The following TERT variants were observed in gnomAD, a reference collection of about 807,000 sequenced individuals.
The protein encoded by TERT is telomerase reverse transcriptase, also known as telomerase catalytic subunit.
A neutral mutation model predicts 104.0 loss-of-function variants in TERT; 42 were observed. The ratio of observed to expected loss-of-function variants is 0.40; its 90% CI spans 0.32 to 0.52. The LOEUF is 0.52. Among genes scored for constraint, TERT ranks in the 20% least tolerant of loss-of-function variants. The probability of loss-of-function intolerance (pLI) is 0.43; values close to 1 mark genes in which losing one functional copy is unlikely to be tolerated. For missense variants in TERT, 1,101 were observed against 1,610.3 expected (o/e 0.68, Z 5.41); for synonymous variants, 781 against 725.6 (o/e 1.08, Z -1.23).
In TERT at chr5:1,257,547, C is replaced by T. The variant is rs556203500; in HGVS notation, c.3032+1051G>A. 6.6e-5 allele frequency among the ~76,000 whole-genome samples: 10 copies of T among 152,274 alleles called. No individual in the cohort carries two copies. The South Asian group carries it at 2.1e-3, about 32-fold the overall frequency. On this transcript the variant is annotated intron_variant, in intron 13 of 15. Transcript: ENST00000310581. This position sits in a 1 kb window ranked among gnomAD's most constrained non-coding sequence, Gnocchi z 5.6. ...CAGAGAGAGAAGGCAGAGAGGAGGG[C>T]GGTCTGAGCCGGACGCACCCTGGAA...
chr5:1,261,965 A>G lies in TERT; in HGVS notation c.2844-1365T>C, dbSNP rs1355911713. Among the ~76,000 whole-genome samples, 3 of 152,336 alleles carry G rather than the reference A, an allele frequency of 2.0e-5. No individual in the cohort carries two copies. The East Asian group carries it at 5.8e-4, about 29-fold the overall frequency. On this transcript the variant is annotated intron_variant, in intron 11 of 15. Transcript: ENST00000310581. The surrounding 1 kb of genome is among the most constrained non-coding windows in gnomAD (Gnocchi z 7.4). ...TGCAGGACCTCACAGGGCGCCTTAAATAAATCACGTGCACAAACGCTCCAG... is the reference window on the plus strand; with the variant it reads ...TGCAGGACCTCACAGGGCGCCTTAAGTAAATCACGTGCACAAACGCTCCAG...
chr5:1,282,097 A>T (rs1366559321), intron 3 of TERT, among the ~76,000 whole-genome samples: 1 of 152,116 alleles, frequency 6.6e-6, no homozygotes, highest in Non-Finnish European at 1.5e-5. Context: ...CAAAAAAGAA[A>T]AAAAAAAGAG....
Position 1,292,286 on chromosome 5 carries a change from G to A in TERT, c.1573+1027C>T, listed in dbSNP as rs1476950363. ...CACTGGGAGCCAAAAGGGGGCTGGA[G>A]CGGAGGTTCCTCAACATCAAATCCA... On this transcript the variant is annotated intron_variant, in intron 2 of 15. Transcript: ENST00000310581. This position sits in a 1 kb window ranked among gnomAD's most constrained non-coding sequence, Gnocchi z 5.5. Among the ~76,000 whole-genome samples the A allele has an allele frequency of 2.0e-5, 3 of 152,082 alleles. No homozygotes were observed. The highest frequency in any genetic ancestry group is 4.4e-5 in the Non-Finnish European group (3 of 68,026).
chr5:1,253,910 C>A, intron 15 of TERT, 79 bp from the exon 16 acceptor site: 1 of 1,475,872 alleles, frequency 6.8e-7, no homozygotes, highest in Non-Finnish European at 9.3e-7. Flanking sequence ...GTGTGGGTGG[C>A]CGGGCAGGCA....
At position 1,292,480 on chromosome 5, in the gene TERT, C is replaced by G. The variant is rs1751054454; in HGVS notation, c.1573+833G>C. Among the ~76,000 whole-genome samples, 1 of 152,000 alleles carries G rather than the reference C, an allele frequency of 6.6e-6. No homozygotes were observed. Among genetic ancestry groups the G allele is most frequent in the Non-Finnish European group, 1.5e-5 (1 of 68,024 alleles). ...TCTGTGCTGGAGAACAGTCTTATCTCCCTCCCTCTACCCTGTCCTGGCACA... is the reference window on the plus strand; with the variant it reads ...TCTGTGCTGGAGAACAGTCTTATCTGCCTCCCTCTACCCTGTCCTGGCACA... On this transcript the variant is annotated intron_variant, in intron 2 of 15. Coordinates refer to ENST00000310581, the MANE Select transcript of TERT (RefSeq NM_198253.3). This position sits in a 1 kb window ranked among gnomAD's most constrained non-coding sequence, Gnocchi z 5.5.
In TERT at chr5:1,253,459, C is replaced by T. The variant is rs369456871; in HGVS notation, c.*269G>A. 51 of 571,710 alleles carry T rather than the reference C, an allele frequency of 8.9e-5. No homozygotes were observed. The highest frequency in any genetic ancestry group is 6.7e-4 in the East Asian group (23 of 34,330). 35.4% of individuals were successfully genotyped at this position (571,710 alleles called of 1,614,324 possible). Reference sequence around the variant, plus strand: ...CGGGCTCCTGGTGAGGAAAAGCTGGCCCTGGGGTGGAGCCGAGCGCCAGCC... The same window carrying T: ...CGGGCTCCTGGTGAGGAAAAGCTGGTCCTGGGGTGGAGCCGAGCGCCAGCC... On this transcript the variant is annotated 3_prime_UTR_variant, in exon 16 of 16. Coordinates refer to ENST00000310581, the MANE Select transcript of TERT (RefSeq NM_198253.3).
rs1171291378 is a variant in TERT, at chr5:1,282,922, A to G, written c.1574-298T>C. On this transcript the variant is annotated intron_variant, in intron 2 of 15. Coordinates refer to ENST00000310581, the MANE Select transcript of TERT (RefSeq NM_198253.3). ...TCCAGCTCACCGCAGGGCCTGGCGAACTCACCCCGGACCTGCACCATCCAG... is the reference window on the plus strand; with the variant it reads ...TCCAGCTCACCGCAGGGCCTGGCGAGCTCACCCCGGACCTGCACCATCCAG... The G allele has an allele frequency of 2.0e-4, 71 of 352,274 alleles. No homozygotes were observed. The African/African-American group carries it at 2.8e-3, about 14-fold the overall frequency. The allele number at this position is 352,274 out of a possible 1,614,324, so 21.8% of individuals were successfully genotyped here.
chr5:1,292,140 A>G lies in TERT; in HGVS notation c.1573+1173T>C, dbSNP rs1395280439. 6.6e-6 allele frequency among the ~76,000 whole-genome samples: 1 copy of G among 152,142 alleles called. No homozygotes were observed. Among genetic ancestry groups the G allele is most frequent in the African/African-American group, 2.4e-5 (1 of 41,418 alleles). On this transcript the variant is annotated intron_variant, in intron 2 of 15. Coordinates refer to ENST00000310581, the MANE Select transcript of TERT (RefSeq NM_198253.3). The surrounding 1 kb of genome is among the most constrained non-coding windows in gnomAD (Gnocchi z 5.5). ...CACCATAAAAAGAAAAAAAGAAAAA[A>G]AAGAGCCCCAAGAAGGTCACCCTCC...
At chr5:1,280,613 G>A (rs1251429365) in intron 3 of TERT, among the ~76,000 whole-genome samples, 2 of 152,174 alleles carry the variant, frequency 1.3e-5, no homozygotes, top group African/African-American at 4.8e-5. Flanking sequence ...CCCACCATCA[G>A]CACCAGGGAG....
In TERT at chr5:1,294,262, C is replaced by G; in HGVS notation, c.624G>C (p.Arg208Ser). 1.9e-6 allele frequency: 3 copies of G among 1,592,684 alleles called. No individual in the cohort carries two copies. Among genetic ancestry groups the G allele is most frequent in the Non-Finnish European group, 2.6e-6 (3 of 1,175,768 alleles). Reference protein sequence around the residue: ...GCERAWNHSVREAGVPLGLPA... With the variant: ...GCERAWNHSVSEAGVPLGLPA... The stretch of plus-strand genomic sequence containing the variant: ...GCAGGCCCAGGGGGACCCCGGCCTC[C>G]CTGACGCTATGGTTCCAGGCCCGTT... The change falls in exon 2 of 16, where the codon AGG becomes AGC. Residue 208 changes from arginine to serine, a missense_variant. Arg to Ser is a moderately radical substitution (Grantham distance 110). This residue lies in a region of TERT where 504 missense variants were observed against 544.6 expected (regional missense o/e 0.93). Transcript: ENST00000310581.
intron 12 of TERT, among the ~76,000 whole-genome samples, chr5:1,259,649 G>T (rs1442305506): frequency 1.4e-5 from 2 of 144,870 alleles, no homozygotes; most frequent in Non-Finnish European, 3.0e-5. Flanking sequence ...AGGAGAGAGG[G>T]AGTGGACGCA....
At chr5:1,279,641 C>A (rs781464211) in intron 4 of TERT, among the ~76,000 whole-genome samples, 171 bp from the exon 5 acceptor site, 11 of 152,210 alleles carry the variant, frequency 7.2e-5, no homozygotes, top group Non-Finnish European at 1.5e-4. Context: ...GGGTTCCTGG[C>A]CGCATGTGTG....
Position 1,279,109 on chromosome 5 carries a change from T to G in TERT, c.2130+182A>C, listed in dbSNP as rs35241335. 0.044 allele frequency among the ~76,000 whole-genome samples: 6,665 copies of G among 152,256 alleles called. 216 individuals are homozygous for G. The highest frequency in any genetic ancestry group is 0.06 in the Non-Finnish European group (4,090 of 67,978). On this transcript the variant is annotated intron_variant, in intron 5 of 15. Transcript: ENST00000310581. ...CAGTCAGGGTGCACAGTCGGCCCCA[T>G]GTGCTGCAGGAAAGGCTGAAGGCCT...
rs1438162956 is a variant in TERT at position 1,293,921 on chromosome 5, G to A, written c.965C>T (p.Pro322Leu). 7 of 1,542,602 alleles carry A rather than the reference G, an allele frequency of 4.5e-6. No homozygotes were observed. Among genetic ancestry groups the A allele is most frequent in the Middle Eastern group, 1.7e-4 (1 of 5,992 alleles). Residue 322 changes from proline (P) to leucine (L), a missense_variant, in exon 2 of 16, where the codon CCC (proline) becomes CTC (leucine). Physicochemically the swap from Pro to Leu is moderately conservative, Grantham distance 98 (BLOSUM62 -3). Coordinates refer to ENST00000310581, the MANE Select transcript of TERT (RefSeq NM_198253.3). ...GTGCTTGGTCTCGGCGTACACCGGG[G>A]GACAAGGCGTGTCCCAGGGACGTGG... ...RPPRPWDTPC[P>L]PVYAETKHFL... is the part of the protein sequence containing the mutation.
At chr5:1,275,238 G>A (rs1444797159) in intron 6 of TERT, among the ~76,000 whole-genome samples, 2 of 152,092 alleles carry the variant, frequency 1.3e-5, no homozygotes, top group East Asian at 1.9e-4. Context: ...AGTCAGCATG[G>A]TGGTGGGCGC....
chr5:1,285,928 G>A (rs937937453), intron 2 of TERT, among the ~76,000 whole-genome samples: 1 of 151,776 alleles, frequency 6.6e-6, no homozygotes, highest in African/African-American at 2.4e-5. Flanking sequence ...ACAACGGCTC[G>A]GAGCCTCATC....
rs1748230085 is a variant in TERT at position 1,261,581 on chromosome 5, T to A, written c.2844-981A>T. Among the ~76,000 whole-genome samples the A allele has an allele frequency of 6.6e-6, 1 of 152,208 alleles. No homozygotes were observed. The highest frequency in any genetic ancestry group is 1.5e-5 in the Non-Finnish European group (1 of 68,024). The stretch of plus-strand genomic sequence containing the variant: ...GGCAAGCCCAGAAAAGGAGCCAGCA[T>A]GAGGGATGGGGACAGGTCTCGCCAT... On this transcript the variant is annotated intron_variant, in intron 11 of 15. Coordinates refer to ENST00000310581, the MANE Select transcript of TERT (RefSeq NM_198253.3). This position sits in a 1 kb window ranked among gnomAD's most constrained non-coding sequence, Gnocchi z 7.4.
chr5:1,253,954 C>A lies in TERT; in HGVS notation c.3296-123G>T, dbSNP rs538539645. On this transcript the variant is annotated intron_variant, in intron 15 of 15. Coordinates refer to ENST00000310581, the MANE Select transcript of TERT (RefSeq NM_198253.3). The stretch of plus-strand genomic sequence containing the variant: ...ACCTCGTGGCCCTGGCTGGTGGGAA[C>A]CTCAGTGAAGGGACAGACACCCCTC... The A allele has an allele frequency of 1.6e-5, 18 of 1,095,012 alleles. No individual in the cohort carries two copies. The South Asian group carries it at 1.7e-4, about 11-fold the overall frequency. 67.8% of individuals were successfully genotyped at this position (1,095,012 alleles called of 1,614,324 possible). A position where few individuals can be genotyped will look rare whatever the true frequency, so the allele number is the denominator to read the frequency against.
Position 1,264,277 on chromosome 5 carries a change from T to C in TERT, c.2843+127A>G, listed in dbSNP as rs746589480. ...GCCCCAGATGGGACGAGGGGCACCCTGTGGCCTCTGACCCTTTGGGATTGG... is the reference window on the plus strand; with the variant it reads ...GCCCCAGATGGGACGAGGGGCACCCCGTGGCCTCTGACCCTTTGGGATTGG... On this transcript the variant is annotated intron_variant, in intron 11 of 15. Coordinates refer to ENST00000310581, the MANE Select transcript of TERT (RefSeq NM_198253.3). The C allele has an allele frequency of 6.0e-6, 6 of 997,712 alleles. No individual in the cohort carries two copies. In the African/African-American group the frequency reaches 8.0e-5, roughly 13 times the overall value. The allele number at this position is 997,712 out of a possible 1,614,324, so 61.8% of individuals were successfully genotyped here.
Sources: gnomAD v4.1 joint callset for allele counts (sites outside exome capture counted in the v4.1 genomes callset) on GRCh38, gnomAD v4.1.1 for gene constraint, gnomAD v4.1.1 regional missense constraint, Gnocchi (gnomAD v3.1) non-coding constraint, MANE v1.5 for transcripts, NCBI Gene and HGNC (gene_info 2026-07-23, HGNC 2026-07-21) for gene names.